ZSCAN5A: variants seen among roughly 807,000 people sequenced by gnomAD.
ZSCAN5A encodes the protein zinc finger and SCAN domain-containing protein 5A.
Under a neutral mutation model 23.7 loss-of-function variants are expected in ZSCAN5A, and 12 were observed. The ratio of observed to expected loss-of-function variants is 0.51; its 90% CI spans 0.32 to 0.82. The LOEUF (loss-of-function observed/expected upper bound fraction) is 0.82. Among genes scored for constraint, ZSCAN5A ranks in the 40% least tolerant of loss-of-function variants. The pLI is 0.03. For synonymous variants in ZSCAN5A, 257 were observed against 239.9 expected, an observed-to-expected ratio of 1.07 and a Z score of -0.66; for missense variants, 597 against 617.9, an observed-to-expected ratio of 0.97 and a Z score of 0.36.
intron 2 of ZSCAN5A, among the ~76,000 whole-genome samples, chr19:56,256,523 C>A (rs1205329791): frequency 2.0e-5 from 3 of 152,136 alleles, no homozygotes; most frequent in Non-Finnish European, 2.9e-5. Context: ...AGTGCATGTC[C>A]TTACATTTTT....
chr19:56,320,081 T>A, intron 2 of ZSCAN5A: 1 of 775,196 alleles, frequency 1.3e-6, no homozygotes, highest in South Asian at 1.3e-5. Context: ...CTTATACCTG[T>A]CACTGTCTGA....
At chr19:56,231,325 A>G (rs2034444097) in intron 2 of ZSCAN5A, among the ~76,000 whole-genome samples, 1 of 152,242 alleles carries the variant, frequency 6.6e-6, no homozygotes, top group Admixed American at 6.5e-5. Flanking sequence ...ATGTATCAAA[A>G]CATTATGTTG....
intron 2 of ZSCAN5A, among the ~76,000 whole-genome samples, chr19:56,235,496 C>G (rs541873912): frequency 1.2e-5 from 1 of 83,282 alleles, no homozygotes; most frequent in Non-Finnish European, 2.3e-5. Context: ...TGGGCCAAGT[C>G]TCCACTCCAG....
chr19:56,265,786 G>T (rs772409737), intron 2 of ZSCAN5A, among the ~76,000 whole-genome samples: 8 of 152,062 alleles, frequency 5.3e-5, no homozygotes, highest in Non-Finnish European at 8.8e-5. Flanking sequence ...TACTCAATTC[G>T]AGATTTAAAG....
intron 2 of ZSCAN5A, among the ~76,000 whole-genome samples, chr19:56,304,131 G>A (rs562147480): frequency 3.9e-5 from 6 of 152,330 alleles, no homozygotes; most frequent in Non-Finnish European, 4.4e-5. Context: ...CAGGGCGAGA[G>A]TGGGAGCAGA....
At chr19:56,357,611 A>G (rs1192992177) in intron 2 of ZSCAN5A, among the ~76,000 whole-genome samples, 1 of 148,182 alleles carries the variant, frequency 6.7e-6, no homozygotes, top group East Asian at 1.9e-4. Flanking sequence ...AAATTGAAGG[A>G]CATTTGATAA....
Position 56,358,101 on chromosome 19 carries a change from C to T in ZSCAN5A, c.-358+5134G>A, listed in dbSNP as rs138634793. Among the ~76,000 whole-genome samples the T allele has an allele frequency of 1.4e-3, 211 of 148,898 alleles. 9 individuals carry two copies. In the East Asian group the frequency reaches 0.031, roughly 22 times the overall value. On this transcript the variant is annotated intron_variant, in intron 2 of 6. Coordinates refer to the ZSCAN5A transcript ENST00000587340. ...TATATTCACCCAATACAGGAGCACC[C>T]AGATTCATAAAACAAGTTATTTTTA...
At chr19:56,348,677 C>T (rs2041649433) in intron 2 of ZSCAN5A, among the ~76,000 whole-genome samples, 1 of 152,202 alleles carries the variant, frequency 6.6e-6, no homozygotes. Context: ...TAAAAGGAAA[C>T]ACATTTTCTT....
chr19:56,284,888 C>T, intron 2 of ZSCAN5A: 1 of 388,454 alleles, frequency 2.6e-6, no homozygotes, highest in Non-Finnish European at 3.5e-6. Flanking sequence ...ATTATAGCCA[C>T]ACTTCCTGAA....
In ZSCAN5A at chr19:56,221,842, G is replaced by A. The variant is rs752565451; in HGVS notation, c.1224C>T (p.Gly408=). 3.3e-5 allele frequency: 53 copies of A among 1,614,062 alleles called. 1 individual carries two copies. The Admixed American group carries it at 6.7e-4, about 20-fold the overall frequency. ...AGACGTCACACGTGTAGGGCCTCTC[G>A]CCAGTGTGGGTTCGCTGGTGAAATT... ...SLQFHQRTHT[G]ERPYTCDVCQ... Residue 408 remains glycine (G), a synonymous_variant, in exon 6 of 6, where the codon GGC becomes GGT. Coordinates refer to ENST00000683990, the MANE Select transcript of ZSCAN5A (RefSeq NM_001322064.3).
At chr19:56,299,329 C>T (rs1022338762) in intron 2 of ZSCAN5A, among the ~76,000 whole-genome samples, 5 of 151,824 alleles carry the variant, frequency 3.3e-5, no homozygotes, top group Non-Finnish European at 5.9e-5. Flanking sequence ...GTTTGGGTCT[C>T]CCTATGTTGC....
At chr19:56,245,061 A>G (rs2035761513) in intron 2 of ZSCAN5A, among the ~76,000 whole-genome samples, 1 of 152,024 alleles carries the variant, frequency 6.6e-6, no homozygotes. Flanking sequence ...TAGAAAAGGA[A>G]AAAATTCAGA....
chr19:56,227,827 G>A (rs1046602530), intron 2 of ZSCAN5A, among the ~76,000 whole-genome samples: 14 of 152,082 alleles, frequency 9.2e-5, no homozygotes, highest in African/African-American at 3.4e-4. Flanking sequence ...GACCGACATG[G>A]GAACATGCTA....
At chr19:56,338,769 C>T (rs1372230365) in intron 2 of ZSCAN5A, 1 of 152,216 alleles carries the variant, frequency 6.6e-6, no homozygotes, top group Non-Finnish European at 1.5e-5. Context: ...GGGTACCCAA[C>T]AGGACCTTGG....
chr19:56,234,810 G>A lies in ZSCAN5A; in HGVS notation c.-127-9637C>T, dbSNP rs76077303. On this transcript the variant is annotated intron_variant, in intron 2 of 5. Coordinates refer to ENST00000683990, the MANE Select transcript of ZSCAN5A (RefSeq NM_001322064.3). ...TAAAAGGGACAGGAATTGCTCACTCGTGGAGCTCGGATTTCAAGGCAGTAG... is the reference window on the plus strand; with the variant it reads ...TAAAAGGGACAGGAATTGCTCACTCATGGAGCTCGGATTTCAAGGCAGTAG... Among the ~76,000 whole-genome samples, 1,460 of 152,248 alleles carry A rather than the reference G, an allele frequency of 9.6e-3. 24 individuals carry two copies. The highest frequency in any genetic ancestry group is 0.034 in the African/African-American group (1,395 of 41,546).
In ZSCAN5A at chr19:56,249,678, A is replaced by G. The variant is rs139422343; in HGVS notation, c.-127-24505T>C. Among the ~76,000 whole-genome samples the G allele has an allele frequency of 5.1e-3, 774 of 152,280 alleles. 1 individual carries two copies. Among genetic ancestry groups the G allele is most frequent in the Non-Finnish European group, 8.5e-3 (576 of 68,034 alleles). On this transcript the variant is annotated intron_variant, in intron 2 of 5. Transcript: ENST00000683990. ...GGTTCTTTAATACGGCACATTTGCCACAAGCGATGAGCTGACTCTGTATAT... is the reference window on the plus strand; with the variant it reads ...GGTTCTTTAATACGGCACATTTGCCGCAAGCGATGAGCTGACTCTGTATAT...
chr19:56,275,982 C>T (rs1184375418), intron 2 of ZSCAN5A, among the ~76,000 whole-genome samples: 28 of 152,186 alleles, frequency 1.8e-4, no homozygotes, highest in Admixed American at 1.8e-3. Context: ...TCCAGGGACA[C>T]TTCTATCTCT....
intron 2 of ZSCAN5A, chr19:56,342,658 C>T (rs2041602623): frequency 1.9e-6 from 1 of 540,466 alleles, no homozygotes; most frequent in African/African-American, 1.9e-5. Context: ...TCTTGACCTC[C>T]TGCCAGTAGG....
At chr19:56,353,737 G>A (rs899207442) in intron 2 of ZSCAN5A, among the ~76,000 whole-genome samples, 11 of 152,072 alleles carry the variant, frequency 7.2e-5, no homozygotes, top group Middle Eastern at 3.4e-3. Flanking sequence ...AACCGAGATC[G>A]TGCCACTGCA....
Sources: gnomAD v4.1 joint callset for allele counts (sites outside exome capture counted in the v4.1 genomes callset) on GRCh38, gnomAD v4.1.1 for gene constraint, MANE v1.5 for transcripts, NCBI Gene and HGNC (gene_info 2026-07-23, HGNC 2026-07-21) for gene names.